The following SCMH1 variants were observed in gnomAD, a reference collection of about 807,000 sequenced individuals.
SCMH1 encodes Scm polycomb group protein homolog 1, also known as polycomb protein SCMH1.
A neutral mutation model predicts 70.8 loss-of-function variants in SCMH1; 37 were observed. The observed-to-expected ratio is 0.52, with a 90% CI of 0.40 to 0.69. The LOEUF (loss-of-function observed/expected upper bound fraction) is 0.69. SCMH1 is among the 30% of genes least tolerant of loss of function. The pLI is 0.00. For missense variants in SCMH1, 607 were observed against 827.3 expected, an observed-to-expected ratio of 0.73 and a Z score of 3.27; for synonymous variants, 292 against 307.4, an observed-to-expected ratio of 0.95 and a Z score of 0.52.
intron 6 of SCMH1, among the ~76,000 whole-genome samples, chr1:41,142,256 C>G (rs776605173): frequency 6.6e-6 from 1 of 151,998 alleles, no homozygotes; most frequent in Non-Finnish European, 1.5e-5. Context: ...CTAACTCTCT[C>G]GGTCCCCCAT....
intron 10 of SCMH1, among the ~76,000 whole-genome samples, chr1:41,051,679 A>C (rs1345944627): frequency 6.6e-6 from 1 of 152,172 alleles, no homozygotes; most frequent in Non-Finnish European, 1.5e-5. Flanking sequence ...TAAATAAAAA[A>C]AGCTTACAGA....
chr1:41,107,785 T>C (rs1319074808), intron 8 of SCMH1, among the ~76,000 whole-genome samples: 2 of 152,230 alleles, frequency 1.3e-5, no homozygotes, highest in Non-Finnish European at 2.9e-5. Context: ...CCCAAAGTGC[T>C]GGGATTACAG....
intron 8 of SCMH1, among the ~76,000 whole-genome samples, chr1:41,099,346 A>T (rs1158772202): frequency 6.6e-6 from 1 of 152,192 alleles, no homozygotes; most frequent in Non-Finnish European, 1.5e-5. Context: ...CTGCTGGTTT[A>T]AAAAAGGGCC....
intron 2 of SCMH1, among the ~76,000 whole-genome samples, chr1:41,170,766 T>C (rs1407059814): frequency 1.3e-5 from 2 of 152,174 alleles, no homozygotes; most frequent in Non-Finnish European, 2.9e-5. Flanking sequence ...TTCACAGTTA[T>C]TGCTACCTCA....
intron 1 of SCMH1, among the ~76,000 whole-genome samples, chr1:41,210,761 G>A (rs1033907812): frequency 2.0e-5 from 3 of 150,446 alleles, no homozygotes; most frequent in African/African-American, 7.3e-5. Context: ...AACCCTAGAA[G>A]AAAACCTAGG....
intron 6 of SCMH1, among the ~76,000 whole-genome samples, chr1:41,131,629 G>A (rs1046974228): frequency 4.6e-5 from 7 of 152,156 alleles, no homozygotes; most frequent in African/African-American, 7.2e-5. Flanking sequence ...AGGTATACAG[G>A]TGCCATGTTG....
intron 8 of SCMH1, among the ~76,000 whole-genome samples, chr1:41,085,795 G>A (rs1661446766): frequency 6.7e-6 from 1 of 150,294 alleles, no homozygotes; most frequent in Non-Finnish European, 1.5e-5. Flanking sequence ...ATAATGTTTT[G>A]GATATTATGG....
chr1:41,101,609 T>A (rs1044533687), intron 8 of SCMH1, among the ~76,000 whole-genome samples: 4 of 152,170 alleles, frequency 2.6e-5, no homozygotes, highest in Non-Finnish European at 5.9e-5. Flanking sequence ...TCACAGAAAA[T>A]GCTTATAGGT....
intron 10 of SCMH1, among the ~76,000 whole-genome samples, chr1:41,061,111 T>C (rs1029443289): frequency 6.6e-6 from 1 of 152,214 alleles, no homozygotes; most frequent in African/African-American, 2.4e-5. Flanking sequence ...CAAACTGCCC[T>C]TAATCATTCC....
intron 4 of SCMH1, 126 bp from the exon 5 acceptor site, chr1:41,151,810 C>G: frequency 1.9e-6 from 1 of 535,204 alleles, no homozygotes; most frequent in Non-Finnish European, 3.3e-6. Flanking sequence ...TAATTTTTTT[C>G]CTGTTTGAGC....
exon 2 of SCMH1, chr1:41,186,157 T>G: frequency 3.7e-6 from 5 of 1,367,712 alleles, no homozygotes; most frequent in Non-Finnish European, 5.1e-6. Context: ...AAAACCGGTC[T>G]AGGGGTTAAG....
chr1:41,123,778 G>A (rs1169749888), intron 6 of SCMH1, among the ~76,000 whole-genome samples: 1 of 152,156 alleles, frequency 6.6e-6, no homozygotes, highest in Non-Finnish European at 1.5e-5. Flanking sequence ...TTTATCCTTG[G>A]AGGACTCCAC....
chr1:41,169,805 G>A (rs769928782), intron 2 of SCMH1, among the ~76,000 whole-genome samples: 10 of 152,108 alleles, frequency 6.6e-5, no homozygotes, highest in African/African-American at 1.4e-4. Flanking sequence ...TTCTGCACCC[G>A]TATAAATCTG....
At chr1:41,112,115 A>G (rs190956291) in intron 8 of SCMH1, among the ~76,000 whole-genome samples, 3 of 152,326 alleles carry the variant, frequency 2.0e-5, no homozygotes, top group Non-Finnish European at 4.4e-5. Flanking sequence ...ATTTCTGTCT[A>G]TAAAAATTAT....
chr1:41,198,739 G>A (rs1653618611), intron 1 of SCMH1, among the ~76,000 whole-genome samples: 1 of 152,152 alleles, frequency 6.6e-6, no homozygotes, highest in Non-Finnish European at 1.5e-5. Context: ...AGAAATAACA[G>A]AATATGTCCA....
intron 4 of SCMH1, among the ~76,000 whole-genome samples, chr1:41,157,800 A>G (rs1216295334): frequency 1.3e-5 from 2 of 152,210 alleles, no homozygotes; most frequent in African/African-American, 2.4e-5. Flanking sequence ...AAAGGGCTGG[A>G]CAAATTTTAC....
intron 8 of SCMH1, among the ~76,000 whole-genome samples, chr1:41,079,940 C>T (rs1659496735): frequency 6.6e-6 from 1 of 151,890 alleles, no homozygotes; most frequent in African/African-American, 2.4e-5. Context: ...TCTTGTCTGC[C>T]CTTAAACCCA....
intron 10 of SCMH1, among the ~76,000 whole-genome samples, chr1:41,056,610 G>A (rs1650403576): frequency 6.6e-6 from 1 of 152,228 alleles, no homozygotes; most frequent in South Asian, 2.1e-4. Flanking sequence ...CCTTACATCT[G>A]TCAGAGAAGT....
chr1:41,227,221 T>A (rs1660439878), intron 1 of SCMH1, among the ~76,000 whole-genome samples: 1 of 152,106 alleles, frequency 6.6e-6, no homozygotes, highest in African/African-American at 2.4e-5. Context: ...CCTTTCTGAG[T>A]CTTGAATATA....
Sources: allele counts gnomAD v4.1 joint callset (sites outside exome capture counted in the v4.1 genomes callset), GRCh38; gene constraint gnomAD v4.1.1; transcripts MANE v1.5; gene names NCBI Gene and HGNC (gene_info 2026-07-23, HGNC 2026-07-21).